Variants in GRM7 observed in about 807,000 individuals in gnomAD.
The protein encoded by GRM7 is glutamate metabotropic receptor 7, also known as metabotropic glutamate receptor 7.
In GRM7, 35 loss-of-function variants were observed where a neutral mutation model predicts 84.5. The ratio of observed to expected loss-of-function variants is 0.41; its 90% CI spans 0.32 to 0.55. GRM7 has a LOEUF of 0.55. GRM7 is among the 20% of genes least tolerant of loss of function. GRM7 has a pLI of 0.19. For synonymous variants in GRM7, 487 were observed against 455.1 expected (o/e 1.07, Z -0.89); for missense variants, 1,003 against 1,194.6 (o/e 0.84, Z 2.36).
intron 1 of GRM7, among the ~76,000 whole-genome samples, chr3:7,106,713 A>G (rs2125028715): frequency 1.3e-5 from 2 of 152,160 alleles, no homozygotes; most frequent in East Asian, 3.9e-4. Context: ...TTCCACCTGC[A>G]TTTGTCACTA....
At chr3:7,438,904 A>C (rs937871953) in intron 5 of GRM7, among the ~76,000 whole-genome samples, 3 of 152,156 alleles carry the variant, frequency 2.0e-5, no homozygotes, top group African/African-American at 7.2e-5. Flanking sequence ...GCAAGAGTTT[A>C]ATTGTAGACA....
chr3:7,418,910 T>G (rs1176678205), intron 5 of GRM7, among the ~76,000 whole-genome samples: 4 of 152,210 alleles, frequency 2.6e-5, no homozygotes, highest in African/African-American at 7.2e-5. Context: ...CAAAGCCATT[T>G]CTTATTTTTG....
At position 7,238,498 on chromosome 3, in the gene GRM7, G is replaced by GT. The variant is rs199707154; in HGVS notation, c.737-60177dup. Among the ~76,000 whole-genome samples, 1,294 of 150,444 alleles carry GT rather than the reference G, an allele frequency of 8.6e-3. 23 individuals are homozygous for GT. The highest frequency in any genetic ancestry group is 0.027 in the African/African-American group (1,094 of 40,970). ...GTTCTCATGTTGTCTAATAAACTTT[G>GT]TTTTTTTTTGTCTTCTGCCACTAAC... On this transcript the variant is annotated intron_variant, in intron 2 of 9. Coordinates refer to ENST00000357716, the MANE Select transcript of GRM7 (RefSeq NM_000844.4).
intron 8 of GRM7, among the ~76,000 whole-genome samples, chr3:7,675,023 C>T (rs757940265): frequency 7.2e-5 from 11 of 152,034 alleles, no homozygotes; most frequent in South Asian, 4.1e-4. Context: ...TTTGACACCA[C>T]GAAATAGCCG....
intron 6 of GRM7, among the ~76,000 whole-genome samples, chr3:7,457,329 G>T (rs1041109618): frequency 6.6e-6 from 1 of 152,160 alleles, no homozygotes; most frequent in African/African-American, 2.4e-5. Flanking sequence ...ATTGAGGAAA[G>T]AAATGGGTAA....
chr3:7,111,182 TG>T (rs1326614771), intron 1 of GRM7, among the ~76,000 whole-genome samples: 1 of 151,884 alleles, frequency 6.6e-6, no homozygotes, highest in African/African-American at 2.4e-5. Context: ...GGTGCTGGTA[TG>T]TCCATACTCA....
rs566109364 is a variant in GRM7 at position 7,132,008 on chromosome 3, T to C, written c.520-14444T>C. Among the ~76,000 whole-genome samples the C allele has an allele frequency of 1.1e-4, 17 of 152,292 alleles. 2 individuals carry two copies. The South Asian group carries it at 3.5e-3, about 32-fold the overall frequency. On this transcript the variant is annotated intron_variant, in intron 1 of 9. Transcript: ENST00000357716. ...TTACTTTTTGAATTTGCTTTTACCA[T>C]TTCTCTTCATTGGGAAAGGCTTTCA...
intron 1 of GRM7, among the ~76,000 whole-genome samples, chr3:6,915,275 C>G (rs1405459360): frequency 6.6e-6 from 1 of 152,158 alleles, no homozygotes; most frequent in African/African-American, 2.4e-5. Context: ...ATACAACAAT[C>G]ATTTCACAAT....
At chr3:7,134,339 A>G (rs947437478) in intron 1 of GRM7, among the ~76,000 whole-genome samples, 2 of 152,122 alleles carry the variant, frequency 1.3e-5, no homozygotes, top group Non-Finnish European at 2.9e-5. Flanking sequence ...GTGATAGTCT[A>G]TCTCTATTCC....
At chr3:7,592,677 G>T (rs966472132) in intron 8 of GRM7, among the ~76,000 whole-genome samples, 22 of 152,296 alleles carry the variant, frequency 1.4e-4, no homozygotes, top group African/African-American at 5.3e-4. Context: ...ACTCAAAACA[G>T]TGTCTGCTAC....
chr3:7,680,385 T>A, intron 9 of GRM7, 90 bp downstream of exon 9: 1 of 1,368,876 alleles, frequency 7.3e-7, no homozygotes, highest in Non-Finnish European at 1.0e-6. Context: ...GGAGAAATAC[T>A]GTGATCGTTC....
rs1702541098 is a variant in GRM7, at chr3:7,737,419, C to T, written c.2699-2938C>T. ...AATCTGTAACTTTATAAGAGAAAAA[C>T]ATACTATTTTAAAATAAAAAGTATA... On this transcript the variant is annotated intron_variant, in intron 9 of 9. Transcript: ENST00000357716. Among the ~76,000 whole-genome samples the T allele has an allele frequency of 2.6e-5, 4 of 152,196 alleles. No homozygotes were observed. In the South Asian group the frequency reaches 6.2e-4, roughly 24 times the overall value.
chr3:7,091,176 G>C (rs556768211), intron 1 of GRM7, among the ~76,000 whole-genome samples: 1 of 147,342 alleles, frequency 6.8e-6, no homozygotes, highest in African/African-American at 2.5e-5. Flanking sequence ...AATAGGTGTC[G>C]AAAGGATTGA....
intron 3 of GRM7, among the ~76,000 whole-genome samples, chr3:7,303,732 A>G (rs1271817228): frequency 2.0e-5 from 3 of 152,018 alleles, no homozygotes; most frequent in Admixed American, 2.0e-4. Flanking sequence ...CATATATAAG[A>G]TTATCTGAGT....
At chr3:6,990,940 G>A (rs1694612281) in intron 1 of GRM7, among the ~76,000 whole-genome samples, 1 of 152,086 alleles carries the variant, frequency 6.6e-6, no homozygotes, top group Non-Finnish European at 1.5e-5. Flanking sequence ...GCGGTGGTAG[G>A]AGCCTATAGT....
chr3:7,050,266 A>G (rs570342249), intron 1 of GRM7, among the ~76,000 whole-genome samples: 107 of 151,906 alleles, frequency 7.0e-4, no homozygotes, highest in Non-Finnish European at 1.1e-3. Flanking sequence ...GGGGGAAGAA[A>G]ATAACTAACA....
intron 7 of GRM7, among the ~76,000 whole-genome samples, chr3:7,551,117 TTGTTTCAAAACTCCA>T: frequency 6.6e-6 from 1 of 152,342 alleles, no homozygotes; most frequent in African/African-American, 2.4e-5. Context: ...AATTCAGCTT[TTGTTTCAAAACTCCA>T]TCTTTCCAAG....
chr3:7,424,697 G>A (rs997242617), intron 5 of GRM7, among the ~76,000 whole-genome samples: 3 of 152,062 alleles, frequency 2.0e-5, no homozygotes, highest in African/African-American at 7.2e-5. Context: ...AGCTGCACTG[G>A]GCCAGTTTCT....
Position 6,861,413 on chromosome 3 carries a change from C to T in GRM7, c.25C>T (p.Arg9Cys), listed in dbSNP as rs375075667. Reference protein sequence around the residue: MVQLRKLLRVLTLMKFPCC... With the variant: MVQLRKLLCVLTLMKFPCC... Reference sequence around the variant, plus strand: ...CATGGTCCAGCTGAGGAAGCTGCTCCGCGTCCTGACTTTGATGAAGTTCCC... The same window carrying T: ...CATGGTCCAGCTGAGGAAGCTGCTCTGCGTCCTGACTTTGATGAAGTTCCC... The change falls in exon 1 of 10, where the codon CGC becomes TGC. Residue 9 changes from arginine to cysteine, a missense_variant. Transcript: ENST00000357716. The surrounding 1 kb of genome is among the most constrained non-coding windows in gnomAD (Gnocchi z 6.4). 2.6e-5 allele frequency: 41 copies of T among 1,593,324 alleles called. No homozygotes were observed. Among genetic ancestry groups the T allele is most frequent in the African/African-American group, 6.7e-5 (5 of 74,158 alleles).
Sources: allele counts gnomAD v4.1 joint callset (sites outside exome capture counted in the v4.1 genomes callset), GRCh38; gene constraint gnomAD v4.1.1; non-coding constraint Gnocchi (gnomAD v3.1); transcripts MANE v1.5; gene names NCBI Gene and HGNC (gene_info 2026-07-23, HGNC 2026-07-21).